Variants in UGT3A1 observed in about 807,000 individuals in gnomAD.
UGT3A1 encodes UDP-glycosyltransferase 3A1.
UGT3A1 carries 40 observed loss-of-function variants against 37.6 expected under a neutral mutation model. The ratio of observed to expected loss-of-function variants is 1.06; its 90% CI spans 0.83 to 1.38. UGT3A1 has a LOEUF of 1.38. Ranked by LOEUF, UGT3A1 falls within the 40% of genes most tolerant of loss-of-function variation. The probability of loss-of-function intolerance (pLI) is 0.00; values close to 1 mark genes in which losing one functional copy is unlikely to be tolerated. For missense variants in UGT3A1, 642 were observed against 634.2 expected, an observed-to-expected ratio of 1.01 and a Z score of -0.13; for synonymous variants, 256 against 232.3, an observed-to-expected ratio of 1.10 and a Z score of -0.93.
intron 2 of UGT3A1, among the ~76,000 whole-genome samples, chr5:35,974,165 C>T (rs1740164228): frequency 6.6e-6 from 1 of 152,080 alleles, no homozygotes; most frequent in South Asian, 2.1e-4. Flanking sequence ...CCAAAGGAAC[C>T]TACAGCTTTT....
At chr5:35,963,639 G>T (rs1458158482) in intron 4 of UGT3A1, among the ~76,000 whole-genome samples, 1 of 152,240 alleles carries the variant, frequency 6.6e-6, no homozygotes, top group Admixed American at 6.5e-5. Context: ...AATCATTATA[G>T]CCTTCCCCCG....
chr5:35,982,155 A>G (rs944350317), intron 2 of UGT3A1, among the ~76,000 whole-genome samples: 2 of 152,234 alleles, frequency 1.3e-5, no homozygotes, highest in Non-Finnish European at 2.9e-5. Context: ...GCAGGGGTGG[A>G]GCCCTCATGG....
chr5:35,959,613 T>C (rs1417592472), intron 4 of UGT3A1, among the ~76,000 whole-genome samples: 1 of 151,792 alleles, frequency 6.6e-6, no homozygotes, highest in African/African-American at 2.4e-5. Context: ...AGACAAATTA[T>C]TTGAAATTGT....
intron 2 of UGT3A1, among the ~76,000 whole-genome samples, chr5:35,968,352 A>T (rs1464884917): frequency 1.3e-5 from 2 of 152,196 alleles, no homozygotes; most frequent in Admixed American, 1.3e-4. Flanking sequence ...TTCAATTTAA[A>T]GTTATAAAAG....
At chr5:35,981,783 T>C (rs1740533277) in intron 2 of UGT3A1, among the ~76,000 whole-genome samples, 1 of 152,226 alleles carries the variant, frequency 6.6e-6, no homozygotes, top group Non-Finnish European at 1.5e-5. Flanking sequence ...AGCCAAATGT[T>C]AGTAACAAAG....
At chr5:35,982,332 T>C (rs1007494620) in intron 2 of UGT3A1, among the ~76,000 whole-genome samples, 3 of 152,192 alleles carry the variant, frequency 2.0e-5, no homozygotes, top group Admixed American at 6.5e-5. Context: ...AAAGCAGCCA[T>C]AGGGGCTATA....
chr5:35,980,268 C>G (rs900680226), intron 2 of UGT3A1, among the ~76,000 whole-genome samples: 1 of 152,018 alleles, frequency 6.6e-6, no homozygotes, highest in Admixed American at 6.6e-5. Flanking sequence ...AAGACAGAAT[C>G]TATGAAAAAA....
At position 35,954,117 on chromosome 5, in the gene UGT3A1, G is replaced by C. The variant is rs16902659; in HGVS notation, c.*85C>G. On this transcript the variant is annotated 3_prime_UTR_variant, in exon 7 of 7. Transcript: ENST00000274278. ...TCAGTGGCAGGTGGAGCTGAAGAGA[G>C]AACAGAGGGGTGGCGTGTGCTGGGG... 5,946 of 1,443,332 alleles carry C rather than the reference G, an allele frequency of 4.1e-3. 224 individuals carry two copies. In the African/African-American group the frequency reaches 0.073, roughly 18 times the overall value. 89.4% of individuals were successfully genotyped at this position (1,443,332 alleles called of 1,614,324 possible). A position where few individuals can be genotyped will look rare whatever the true frequency, so the allele number is the denominator to read the frequency against.
intron 2 of UGT3A1, among the ~76,000 whole-genome samples, chr5:35,986,633 G>T (rs571479333): frequency 6.6e-6 from 1 of 152,098 alleles, no homozygotes; most frequent in African/African-American, 2.4e-5. Flanking sequence ...AGGATCTTAT[G>T]AAAGTAGAGA....
At chr5:35,978,588 T>C (rs543901628) in intron 2 of UGT3A1, among the ~76,000 whole-genome samples, 1 of 152,194 alleles carries the variant, frequency 6.6e-6, no homozygotes, top group African/African-American at 2.4e-5. Flanking sequence ...GGGAAAGAAC[T>C]GCCCCATGAT....
At chr5:35,964,704 A>C (rs1561458852) in intron 4 of UGT3A1, among the ~76,000 whole-genome samples, 1 of 152,086 alleles carries the variant, frequency 6.6e-6, no homozygotes, top group Admixed American at 6.5e-5. Context: ...AAATATAATA[A>C]CTTCTGTAAA....
In UGT3A1 at chr5:35,952,143, G is replaced by C. The variant is rs1445095213; in HGVS notation, c.*2059C>G. 6.6e-6 allele frequency: 1 copy of C among 152,236 alleles called. No individual in the cohort carries two copies. The highest frequency in any genetic ancestry group is 2.4e-5 in the African/African-American group (1 of 41,462). The allele number at this position is 152,236 out of a possible 1,614,324, so 9.4% of individuals were successfully genotyped here. A position where few individuals can be genotyped will look rare whatever the true frequency, so the allele number is the denominator to read the frequency against. On this transcript the variant is annotated 3_prime_UTR_variant, in exon 7 of 7. Coordinates refer to ENST00000274278, the MANE Select transcript of UGT3A1 (RefSeq NM_152404.4). ...TGTGAACACAATGACACTGGATACT[G>C]ACAGATAAGCAGAAGTTTCTCATTC...
Position 35,957,230 on chromosome 5 carries a change from T to C in UGT3A1, c.1033A>G (p.Asn345Asp). Reference sequence around the variant, plus strand: ...GGAAGCCAGTCCACAATTTTCACATTTGTGGCCAAATGAACATCTCTGGGC... The same window carrying C: ...GGAAGCCAGTCCACAATTTTCACATCTGTGGCCAAATGAACATCTCTGGGC... ...HWPRDVHLAT[N>D]VKIVDWLPQS... Residue 345 changes from asparagine to aspartate, a missense_variant, in exon 5 of 7, where the codon AAT (asparagine) becomes GAT (aspartate). Asn to Asp is a conservative substitution (Grantham distance 23). Coordinates refer to ENST00000274278, the MANE Select transcript of UGT3A1 (RefSeq NM_152404.4). 1 of 1,614,160 alleles carries C rather than the reference T, an allele frequency of 6.2e-7. No individual in the cohort carries two copies. Among genetic ancestry groups the C allele is most frequent in the Non-Finnish European group, 8.5e-7 (1 of 1,180,018 alleles).
intron 4 of UGT3A1, 72 bp from the exon 5 acceptor site, chr5:35,957,491 G>A: frequency 2.4e-6 from 3 of 1,262,770 alleles, no homozygotes; most frequent in Non-Finnish European, 1.1e-6. Context: ...ATGAAACCCA[G>A]TCTATTTACT....
intron 2 of UGT3A1, among the ~76,000 whole-genome samples, chr5:35,979,503 C>T (rs1356519150): frequency 1.3e-5 from 2 of 152,112 alleles, no homozygotes; most frequent in African/African-American, 4.8e-5. Flanking sequence ...CTCATAAGTT[C>T]CTCATCTCTA....
upstream of UGT3A1, among the ~76,000 whole-genome samples, chr5:35,992,079 C>T (rs1740968494): frequency 6.6e-6 from 1 of 152,208 alleles, no homozygotes; most frequent in Non-Finnish European, 1.5e-5. Flanking sequence ...TCTCTATCCT[C>T]AAACCAAGAC....
upstream of UGT3A1, among the ~76,000 whole-genome samples, chr5:35,994,334 TG>T (rs1324268476): frequency 1.6e-4 from 1 of 6,302 alleles, no homozygotes; most frequent in African/African-American, 3.0e-4. Flanking sequence ...TTGTTTTGTT[TG>T]TGTGTGTGTG....
chr5:35,959,599 T>C (rs1410355392), intron 4 of UGT3A1, among the ~76,000 whole-genome samples: 1 of 151,582 alleles, frequency 6.6e-6, no homozygotes, highest in African/African-American at 2.4e-5. Flanking sequence ...ATCAGTGAAC[T>C]TGAAGACAAA....
upstream of UGT3A1, chr5:35,991,427 G>T: frequency 6.9e-7 from 1 of 1,442,658 alleles, no homozygotes. Flanking sequence ...CTCCCTGGGT[G>T]CATGCTCCAT....
Sources: allele counts gnomAD v4.1 joint callset (sites outside exome capture counted in the v4.1 genomes callset), GRCh38; gene constraint gnomAD v4.1.1; transcripts MANE v1.5; gene names NCBI Gene and HGNC (gene_info 2026-07-23, HGNC 2026-07-21).